CREBBP: variants seen among roughly 807,000 people sequenced by gnomAD.
CREBBP encodes the protein CREB binding lysine acetyltransferase, also known as CREB-binding protein.
CREBBP carries 19 observed loss-of-function variants against 265.0 expected under a neutral mutation model. That is an observed-to-expected ratio of 0.07 (90% CI 0.05 to 0.11). The LOEUF (loss-of-function observed/expected upper bound fraction) is 0.11, where lower values mean the gene tolerates loss of function less well. CREBBP is among the 10% of genes least tolerant of loss of function. CREBBP has a pLI of 1.00. For synonymous variants in CREBBP, 1,457 were observed against 1,223.7 expected, an observed-to-expected ratio of 1.19 and a Z score of -3.98; for missense variants, 2,525 against 3,219.0, an observed-to-expected ratio of 0.78 and a Z score of 5.22.
chr16:3,734,588 C>G (rs1015276135), intron 28 of CREBBP, among the ~76,000 whole-genome samples: 7 of 152,168 alleles, frequency 4.6e-5, no homozygotes, highest in African/African-American at 1.7e-4. Context: ...CATTAACTCA[C>G]CAGACACCAG....
rs746656673 is a variant in CREBBP, at chr16:3,794,331, C to CAAAAAAAAAAAA, written c.976-717_976-706dup. Among the ~76,000 whole-genome samples the CAAAAAAAAAAAA allele has an allele frequency of 1.5e-4, 6 of 39,614 alleles. 1 individual carries two copies. Among genetic ancestry groups the CAAAAAAAAAAAA allele is most frequent in the Non-Finnish European group, 2.8e-4 (6 of 21,402 alleles). 26.0% of individuals were successfully genotyped at this position (39,614 alleles called of 152,430 possible). On this transcript the variant is annotated intron_variant, in intron 3 of 30. Transcript: ENST00000262367. ...TGGGCGACAGATCGAGACTCCGTCTCAAAAAAAAAAAAAAAAAAAAAAAAA... is the reference window on the plus strand; with the variant it reads ...TGGGCGACAGATCGAGACTCCGTCTCAAAAAAAAAAAAAAAAAAAAAAAAAAAAAAAAAAAAA...
intron 2 of CREBBP, among the ~76,000 whole-genome samples, chr16:3,843,923 C>A (rs1055413649): frequency 1.3e-5 from 2 of 151,358 alleles, no homozygotes; most frequent in Admixed American, 6.6e-5. Flanking sequence ...CCGAGGCGGG[C>A]GGATCACGAG....
At chr16:3,790,361 A>G (rs1050661654) in intron 5 of CREBBP, among the ~76,000 whole-genome samples, 11 of 144,760 alleles carry the variant, frequency 7.6e-5, no homozygotes, top group African/African-American at 2.5e-4. Context: ...CTTTTAGGAA[A>G]CTGGCTTTTT....
In CREBBP at chr16:3,767,805, C is replaced by A. The variant is rs764636614; in HGVS notation, c.3165G>T (p.Val1055=). ...PMEVDEKKPE[V]KVEVKEEEES... ...CTTCTTCCTCTTTAACTTCTACTTT[C>A]ACTTCAGGTTTCTTTTCATCCACTT... The change falls in exon 16 of 31, where the codon GTG becomes GTT. Residue 1055 remains valine, a synonymous_variant. Transcript: ENST00000262367. 6.2e-7 allele frequency: 1 copy of A among 1,614,190 alleles called. No individual in the cohort carries two copies. The highest frequency in any genetic ancestry group is 1.3e-5 in the African/African-American group (1 of 75,054).
Position 3,731,856 on chromosome 16 carries a change from T to G in CREBBP, c.4810A>C (p.Asn1604His). Residue 1604 changes from asparagine to histidine, a missense_variant, in exon 29 of 31, where the codon AAC (asparagine) becomes CAC (histidine). This residue lies in a region of CREBBP where 93 missense variants were observed against 161.5 expected (regional missense o/e 0.58). Transcript: ENST00000262367. The surrounding 1 kb of genome is among the most constrained non-coding windows in gnomAD (Gnocchi z 7.7). ...NKNKSSISRA[N>H]KKKPSMPNVS... The stretch of plus-strand genomic sequence containing the variant: ...TTGGGCATGCTGGGCTTCTTCTTGT[T>G]GGCGCGGCTGATGCTGCTTTTGTTC... 6.2e-7 allele frequency: 1 copy of G among 1,614,258 alleles called. No individual in the cohort carries two copies. Among genetic ancestry groups the G allele is most frequent in the Non-Finnish European group, 8.5e-7 (1 of 1,180,044 alleles).
At chr16:3,748,505 T>C (rs1043713249) in intron 21 of CREBBP, among the ~76,000 whole-genome samples, 1 of 152,144 alleles carries the variant, frequency 6.6e-6, no homozygotes, top group Non-Finnish European at 1.5e-5. Flanking sequence ...TGAAGTAACC[T>C]GCCAAAAGTC....
chr16:3,834,047 T>A (rs1170984139), intron 2 of CREBBP, among the ~76,000 whole-genome samples: 1 of 152,088 alleles, frequency 6.6e-6, no homozygotes, highest in African/African-American at 2.4e-5. Context: ...ATCACAGAAA[T>A]GCAAATGACA....
At chr16:3,740,618 G>C (rs2052180440) in intron 23 of CREBBP, 69 bp from the exon 24 acceptor site, 1 of 1,564,690 alleles carries the variant, frequency 6.4e-7, no homozygotes, top group Admixed American at 1.7e-5. Flanking sequence ...TGAGACTAGA[G>C]AATCCACCCC....
At chr16:3,735,490 G>T (rs887056669) in intron 28 of CREBBP, among the ~76,000 whole-genome samples, 1 of 152,142 alleles carries the variant, frequency 6.6e-6, no homozygotes, top group Non-Finnish European at 1.5e-5. Flanking sequence ...TAGAGATGGG[G>T]TTTCACTGTG....
intron 11 of CREBBP, 122 bp from the exon 12 acceptor site, chr16:3,774,815 G>T (rs1181443793): frequency 1.6e-6 from 2 of 1,251,732 alleles, no homozygotes; most frequent in Middle Eastern, 1.9e-4. Context: ...AAACTGAAAA[G>T]AAATCACCCA....
At chr16:3,765,154 G>A (rs946439888) in intron 16 of CREBBP, among the ~76,000 whole-genome samples, 1 of 151,932 alleles carries the variant, frequency 6.6e-6, no homozygotes, top group Non-Finnish European at 1.5e-5. Flanking sequence ...TTTGTATTTT[G>A]TTTAGTAGAG....
chr16:3,786,237 G>A (rs370718709), intron 5 of CREBBP, among the ~76,000 whole-genome samples: 4 of 152,144 alleles, frequency 2.6e-5, no homozygotes, highest in East Asian at 3.8e-4. Context: ...GTGGTGGTGC[G>A]TGCCTGTCAT....
intron 18 of CREBBP, 48 bp downstream of exon 18, chr16:3,757,761 C>T (rs2052620656): frequency 2.5e-6 from 4 of 1,609,612 alleles, no homozygotes; most frequent in Non-Finnish European, 3.4e-6. Flanking sequence ...ACCCCTCTGG[C>T]TGGATTAACC....
chr16:3,761,603 C>T (rs1246245371), intron 16 of CREBBP: 3 of 518,136 alleles, frequency 5.8e-6, no homozygotes, highest in Non-Finnish European at 1.2e-5. Context: ...ACCGCCTCCT[C>T]TCCAGGGCAC....
intron 16 of CREBBP, among the ~76,000 whole-genome samples, chr16:3,766,465 A>G (rs1009511304): frequency 6.6e-6 from 1 of 152,184 alleles, no homozygotes; most frequent in Non-Finnish European, 1.5e-5. Flanking sequence ...TTTTCATATA[A>G]ATGTTTTCTA....
At chr16:3,862,805 C>A (rs1427054666) in intron 1 of CREBBP, among the ~76,000 whole-genome samples, 1 of 152,214 alleles carries the variant, frequency 6.6e-6, no homozygotes, top group African/African-American at 2.4e-5. Flanking sequence ...GCCTTGCTGT[C>A]TTCCGTCCCT....
At chr16:3,789,862 C>A (rs1028503451) in intron 5 of CREBBP, among the ~76,000 whole-genome samples, 2 of 151,702 alleles carry the variant, frequency 1.3e-5, no homozygotes, top group Non-Finnish European at 2.9e-5. Context: ...TCACAACACT[C>A]AGGCCGTTAT....
chr16:3,876,658 T>C (rs1253843821), intron 1 of CREBBP, among the ~76,000 whole-genome samples: 2 of 152,156 alleles, frequency 1.3e-5, no homozygotes, highest in Non-Finnish European at 2.9e-5. Context: ...GTGTAAAGGC[T>C]TCTACATAAT....
At chr16:3,737,514 C>A (rs925460895) in intron 26 of CREBBP, among the ~76,000 whole-genome samples, 7 of 150,820 alleles carry the variant, frequency 4.6e-5, no homozygotes, top group African/African-American at 1.7e-4. Flanking sequence ...GGGTGGAGTG[C>A]AATGGCATGA....
Sources: allele counts gnomAD v4.1 joint callset (sites outside exome capture counted in the v4.1 genomes callset), GRCh38; gene constraint gnomAD v4.1.1; regional missense constraint gnomAD v4.1.1; non-coding constraint Gnocchi (gnomAD v3.1); transcripts MANE v1.5; gene names NCBI Gene and HGNC (gene_info 2026-07-23, HGNC 2026-07-21).